Variants in SCN10A observed in about 807,000 individuals in gnomAD.
SCN10A encodes the protein sodium voltage-gated channel alpha subunit 10.
A neutral mutation model predicts 170.7 loss-of-function variants in SCN10A; 162 were observed. The observed-to-expected ratio is 0.95, with a 90% CI of 0.84 to 1.08. SCN10A has a LOEUF of 1.08. Among genes scored for constraint, SCN10A ranks in the 50% least tolerant of loss-of-function variants. The pLI is 0.00. For synonymous variants in SCN10A, 985 were observed against 904.6 expected, an observed-to-expected ratio of 1.09 and a Z score of -1.59; for missense variants, 2,527 against 2,436.9, an observed-to-expected ratio of 1.04 and a Z score of -0.78.
chr3:38,799,923 T>C (rs936151965), intron 1 of SCN10A, among the ~76,000 whole-genome samples: 2 of 152,120 alleles, frequency 1.3e-5, no homozygotes, highest in African/African-American at 4.8e-5. Context: ...TAAGATATGT[T>C]CTCTAATGCT....
At chr3:38,725,765 G>A (rs1402803993) in intron 17 of SCN10A, among the ~76,000 whole-genome samples, 1 of 152,258 alleles carries the variant, frequency 6.6e-6, no homozygotes, top group Non-Finnish European at 1.5e-5. Flanking sequence ...GAGCCCCAAA[G>A]TAACTGAAAA....
At chr3:38,728,470 G>A (rs951764023) in intron 16 of SCN10A, 72 bp downstream of exon 16, 69 of 1,461,672 alleles carry the variant, frequency 4.7e-5, no homozygotes, top group Middle Eastern at 4.8e-4. Flanking sequence ...GCAGATCAAA[G>A]CTTTTTCAGA....
chr3:38,802,678 C>T (rs2064379930), intron 1 of SCN10A, among the ~76,000 whole-genome samples: 1 of 152,128 alleles, frequency 6.6e-6, no homozygotes, highest in Non-Finnish European at 1.5e-5. Flanking sequence ...AAATGTTAGA[C>T]CTAAAACCAT....
intron 1 of SCN10A, among the ~76,000 whole-genome samples, chr3:38,803,589 G>A (rs542100071): frequency 7.8e-4 from 112 of 144,046 alleles, no homozygotes; most frequent in African/African-American, 2.8e-3. Context: ...TCATAGGTGG[G>A]AATTGAAAAA....
chr3:38,779,791 T>A (rs73064540), intron 4 of SCN10A, among the ~76,000 whole-genome samples: 34,212 of 151,816 alleles, frequency 0.23, 4,273 homozygotes, highest in Middle Eastern at 0.27. Context: ...GAGAGATTTT[T>A]AAAAATTATC....
At chr3:38,731,434 A>C (rs1367214363) in intron 15 of SCN10A, among the ~76,000 whole-genome samples, 1 of 152,236 alleles carries the variant, frequency 6.6e-6, no homozygotes, top group African/African-American at 2.4e-5. Flanking sequence ...TGAAGAAATC[A>C]ATAACTAAAT....
intron 12 of SCN10A, among the ~76,000 whole-genome samples, chr3:38,750,641 G>A (rs533089192): frequency 7.2e-5 from 11 of 152,274 alleles, no homozygotes; most frequent in Non-Finnish European, 1.6e-4. Flanking sequence ...CTTTTTACAA[G>A]GGGAGATAAG....
chr3:38,775,473 C>T (rs2064061926), intron 4 of SCN10A, among the ~76,000 whole-genome samples: 1 of 152,184 alleles, frequency 6.6e-6, no homozygotes, highest in African/African-American at 2.4e-5. Flanking sequence ...ATCCATTCAT[C>T]TGTTGATGGA....
At chr3:38,780,019 A>T (rs1158455386) in intron 4 of SCN10A, among the ~76,000 whole-genome samples, 5 of 151,908 alleles carry the variant, frequency 3.3e-5, no homozygotes, top group African/African-American at 4.8e-5. Context: ...CAGATACATT[A>T]TATTAATTAT....
At chr3:38,813,282 G>C (rs1180042550) in intron 1 of SCN10A, among the ~76,000 whole-genome samples, 1 of 152,186 alleles carries the variant, frequency 6.6e-6, no homozygotes, top group Non-Finnish European at 1.5e-5. Flanking sequence ...TGAACAAAGT[G>C]TCTCCAATAG....
At position 38,757,009 on chromosome 3, in the gene SCN10A, G is replaced by A; in HGVS notation, c.1092+9C>T. The A allele has an allele frequency of 6.2e-7, 1 of 1,607,834 alleles. No individual in the cohort carries two copies. The highest frequency in any genetic ancestry group is 8.5e-7 in the Non-Finnish European group (1 of 1,177,066). On this transcript the variant is annotated intron_variant, in intron 9 of 27. Transcript: ENST00000449082. ...AACCAAGTCTGCGTGGGGGAATGCA[G>A]CTCAGTACCTGCTGGTAGAGGCGTT...
rs1352229133 is a variant in SCN10A at position 38,698,100 on chromosome 3, A to G, written c.5120T>C (p.Ile1707Thr). ...GTTGACCATGATGAGGAAGGAGATG[A>G]TGATGTAGGTGGTGAAGAAGATGAT... ...VGIIFFTTYI[I>T]ISFLIMVNMY... is the part of the protein sequence containing the mutation. The change falls in exon 28 of 28, where the codon ATC (isoleucine) becomes ACC (threonine). Residue 1707 changes from isoleucine to threonine, a missense_variant. Physicochemically the swap from Ile to Thr is moderately conservative, Grantham distance 89. Coordinates refer to ENST00000449082, the MANE Select transcript of SCN10A (RefSeq NM_006514.4). The G allele has an allele frequency of 6.2e-7, 1 of 1,613,936 alleles. No homozygotes were observed. The highest frequency in any genetic ancestry group is 8.5e-7 in the Non-Finnish European group (1 of 1,179,956).
At chr3:38,738,969 T>C (rs2063599611) in intron 15 of SCN10A, among the ~76,000 whole-genome samples, 1 of 152,154 alleles carries the variant, frequency 6.6e-6, no homozygotes, top group Non-Finnish European at 1.5e-5. Context: ...AATGACTTCC[T>C]TGAGGCTGGA....
At chr3:38,809,311 A>G (rs2064424863) in intron 1 of SCN10A, among the ~76,000 whole-genome samples, 1 of 152,200 alleles carries the variant, frequency 6.6e-6, no homozygotes, top group South Asian at 2.1e-4. Context: ...CTTCCTAGAA[A>G]ATGAGAAACA....
chr3:38,784,152 T>G (rs916635046), intron 4 of SCN10A, among the ~76,000 whole-genome samples: 11 of 152,234 alleles, frequency 7.2e-5, no homozygotes, highest in African/African-American at 2.6e-4. Flanking sequence ...TTCTTAATTA[T>G]AGTATACTAA....
In SCN10A at chr3:38,697,996, C is replaced by T; in HGVS notation, c.5224G>A (p.Asp1742Asn). 1.2e-6 allele frequency: 2 copies of T among 1,614,168 alleles called. No individual in the cohort carries two copies. Among genetic ancestry groups the T allele is most frequent in the Non-Finnish European group, 1.7e-6 (2 of 1,180,026 alleles). The stretch of plus-strand genomic sequence containing the variant: ...TTCTCCCAGGTCTCATAGAACATGT[C>T]AAAGTCGTCCTCACTCAGGGGCTCA... ...STEPLSEDDF[D>N]MFYETWEKFD... is the part of the protein sequence containing the mutation. The change falls in exon 28 of 28, where the codon GAC (aspartate) becomes AAC (asparagine). Residue 1742 changes from aspartate (D) to asparagine (N), a missense_variant. Coordinates refer to ENST00000449082, the MANE Select transcript of SCN10A (RefSeq NM_006514.4).
rs1131691525 is a variant in SCN10A at position 38,792,117 on chromosome 3, G to A, written c.322C>T (p.Arg108Trp). ...AAAGGACTGAATAGCCACAGGGCCC[G>A]AGTGGCACTAAACCGGGAAATGGTC... The part of the protein sequence containing the change: ...GRTISRFSAT[R>W]ALWLFSPFNL... The change falls in exon 3 of 28, where the codon CGG becomes TGG. Residue 108 changes from arginine (R) to tryptophan (W), a missense_variant. Transcript: ENST00000449082. 37 of 1,613,682 alleles carry A rather than the reference G, an allele frequency of 2.3e-5. No homozygotes were observed. In the South Asian group the frequency reaches 2.5e-4, roughly 11 times the overall value.
chr3:38,776,169 C>T (rs904106273), intron 4 of SCN10A, among the ~76,000 whole-genome samples: 12 of 152,008 alleles, frequency 7.9e-5, no homozygotes, highest in Non-Finnish European at 1.8e-4. Flanking sequence ...TATCATTATT[C>T]ATTGTCATGG....
chr3:38,806,123 TG>T (rs1350959930), intron 1 of SCN10A, among the ~76,000 whole-genome samples: 5 of 152,152 alleles, frequency 3.3e-5, no homozygotes, highest in African/African-American at 1.2e-4. Context: ...GCTGAAATGC[TG>T]AGAATAGGTG....
Sources: gnomAD v4.1 joint callset for allele counts (sites outside exome capture counted in the v4.1 genomes callset) on GRCh38, gnomAD v4.1.1 for gene constraint, MANE v1.5 for transcripts, NCBI Gene and HGNC (gene_info 2026-07-23, HGNC 2026-07-21) for gene names.